Variants in DMD observed in about 807,000 individuals in gnomAD.
DMD encodes dystrophin.
A neutral mutation model predicts 330.1 loss-of-function variants in DMD; 63 were observed. That is an observed-to-expected ratio of 0.19 (90% confidence interval 0.16 to 0.24). The LOEUF (loss-of-function observed/expected upper bound fraction) is 0.24. Among genes scored for constraint, DMD ranks in the 10% least tolerant of loss-of-function variants. DMD has a pLI of 1.00. For synonymous variants in DMD, 1,223 were observed against 959.8 expected, an observed-to-expected ratio of 1.27 and a Z score of -5.07; for missense variants, 3,344 against 2,684.1, an observed-to-expected ratio of 1.25 and a Z score of -5.43.
chrX:32,903,653 A>T (rs2086499212), intron 2 of DMD, among the ~76,000 whole-genome samples: 1 of 111,492 alleles, frequency 9.0e-6, no homozygotes, highest in Admixed American at 9.6e-5. Context: ...ATTTTAAGTA[A>T]ACTACACAAT....
intron 48 of DMD, among the ~76,000 whole-genome samples, chrX:31,838,320 C>T (rs1419555552): frequency 9.0e-6 from 1 of 111,549 alleles, no homozygotes; most frequent in Non-Finnish European, 1.9e-5. Context: ...AAGAGCATAT[C>T]TTCAGCAAGG....
chrX:32,634,194 C>T (rs182327412), intron 11 of DMD, among the ~76,000 whole-genome samples: 78 of 111,890 alleles, frequency 7.0e-4, no homozygotes, highest in African/African-American at 2.2e-3. Context: ...ACTCAAGGGC[C>T]AAGGCCACTT....
rs111975176 is a variant in DMD, at chrX:33,115,800, C to A, written c.31+95482G>T. Among the ~76,000 whole-genome samples, 802 of 110,276 alleles carry A rather than the reference C, an allele frequency of 7.3e-3. 7 individuals carry two copies. The highest frequency in any genetic ancestry group is 0.025 in the African/African-American group (764 of 30,456). On this transcript the variant is annotated intron_variant, in intron 1 of 78. Coordinates refer to ENST00000357033, the MANE Select transcript of DMD (RefSeq NM_004006.3). ...CTGGGATTACAGGCGTGAGCCACTG[C>A]GCCCGGCCAAAAGAAAACGTTTCTA...
chrX:31,943,887 GA>G (rs1370499995), intron 45 of DMD, among the ~76,000 whole-genome samples: 2,094 of 57,137 alleles, frequency 0.037, 70 homozygotes, highest in African/African-American at 0.16. Flanking sequence ...GTGAGAGAGA[GA>G]GAGAGAGAGA....
chrX:32,573,872 C>A, intron 13 of DMD, 26 bp from the exon 14 acceptor site: 5 of 1,138,204 alleles, frequency 4.4e-6, no homozygotes, highest in Non-Finnish European at 6.0e-6. Flanking sequence ...TCAAGCACAG[C>A]ATCAGCAAAC....
intron 1 of DMD, among the ~76,000 whole-genome samples, chrX:33,123,367 G>T (rs1022652488): frequency 8.9e-6 from 1 of 111,795 alleles, no homozygotes. Context: ...AAACTGAAAA[G>T]GTAAACAAAT....
chrX:31,647,283 A>T (rs761081905), intron 54 of DMD, among the ~76,000 whole-genome samples: 103 of 111,862 alleles, frequency 9.2e-4, no homozygotes, highest in Non-Finnish European at 1.8e-3. Flanking sequence ...GACAGCAGTG[A>T]AGGGAGCATA....
intron 60 of DMD, among the ~76,000 whole-genome samples, chrX:31,360,300 A>G (rs1263262233): frequency 8.9e-6 from 1 of 111,928 alleles, no homozygotes; most frequent in Non-Finnish European, 1.9e-5. Context: ...CAAGAAAAAC[A>G]AAAAAAGTTA....
rs768803843 is a variant in DMD at position 31,479,070 on chromosome X, C to T, written c.8581G>A (p.Val2861Ile). Residue 2861 changes from valine to isoleucine, a missense_variant, in exon 58 of 79, where the codon GTA (valine) becomes ATA (isoleucine). Transcript: ENST00000357033. ...ACAGTCTCAAGAGTACTCATGATTACAGGTTCTTTAGTTTTCAATTCCCTC... is the reference window on the plus strand; with the variant it reads ...ACAGTCTCAAGAGTACTCATGATTATAGGTTCTTTAGTTTTCAATTCCCTC... ...FKRELKTKEPVIMSTLETVRI... is the reference protein window; with the variant it reads ...FKRELKTKEPIIMSTLETVRI... The T allele has an allele frequency of 1.7e-6, 2 of 1,209,568 alleles. No homozygotes were observed. Among genetic ancestry groups the T allele is most frequent in the East Asian group, 3.0e-5 (1 of 33,815 alleles).
At chrX:32,362,380 T>C (rs2097839917) in intron 37 of DMD, among the ~76,000 whole-genome samples, 1 of 112,152 alleles carries the variant, frequency 8.9e-6, no homozygotes, top group Admixed American at 9.5e-5. Flanking sequence ...GTATCAGTAC[T>C]GCTTTTGGCA....
rs1337788084 is a variant in DMD, at chrX:32,951,116, G to A, written c.93+69023C>T. 2.7e-5 allele frequency among the ~76,000 whole-genome samples: 3 copies of A among 110,885 alleles called. No individual in the cohort carries two copies. In the East Asian group the frequency reaches 8.6e-4, roughly 32 times the overall value. ...TGCGATGAAGAATTCCTATATTGTCGCAATATTCAGCTGACAAGCCATGGG... is the reference window on the plus strand; with the variant it reads ...TGCGATGAAGAATTCCTATATTGTCACAATATTCAGCTGACAAGCCATGGG... On this transcript the variant is annotated intron_variant, in intron 2 of 78. Coordinates refer to ENST00000357033, the MANE Select transcript of DMD (RefSeq NM_004006.3).
At chrX:32,396,855 T>C (rs1421163654) in intron 30 of DMD, among the ~76,000 whole-genome samples, 1 of 111,730 alleles carries the variant, frequency 9.0e-6, no homozygotes, top group Non-Finnish European at 1.9e-5. Context: ...AGCTTGTACT[T>C]AGGATATCTT....
intron 1 of DMD, among the ~76,000 whole-genome samples, chrX:33,336,418 C>T (rs1382489921): frequency 9.1e-6 from 1 of 110,416 alleles, no homozygotes; most frequent in East Asian, 2.8e-4. Context: ...TAGTGTCTTC[C>T]CCTGCTCATC....
intron 74 of DMD, among the ~76,000 whole-genome samples, chrX:31,148,566 A>C (rs903148920): frequency 8.9e-6 from 1 of 112,410 alleles, no homozygotes; most frequent in Non-Finnish European, 1.9e-5. Flanking sequence ...TACAGAATAT[A>C]GTTTGATGTG....
intron 2 of DMD, among the ~76,000 whole-genome samples, chrX:32,882,331 T>G (rs1478993207): frequency 8.9e-6 from 1 of 111,947 alleles, no homozygotes; most frequent in Admixed American, 9.5e-5. Context: ...CCTCTTCTCT[T>G]TGTCAATTTT....
chrX:32,931,000 T>A (rs2089539297), intron 2 of DMD, among the ~76,000 whole-genome samples: 1 of 107,870 alleles, frequency 9.3e-6, no homozygotes, highest in African/African-American at 3.3e-5. Context: ...TTATATATAT[T>A]ATTTTATACT....
chrX:31,595,867 A>C (rs373520554), intron 55 of DMD, among the ~76,000 whole-genome samples: 1 of 110,506 alleles, frequency 9.0e-6, no homozygotes, highest in African/African-American at 3.3e-5. Flanking sequence ...CTGGTACCAG[A>C]GGCATTCCTT....
intron 1 of DMD, among the ~76,000 whole-genome samples, chrX:33,289,249 A>AT (rs1401245614): frequency 3.6e-5 from 4 of 110,695 alleles, no homozygotes; most frequent in Admixed American, 1.9e-4. Flanking sequence ...TTAAAACATA[A>AT]TTTTTTAAAA....
intron 45 of DMD, among the ~76,000 whole-genome samples, chrX:31,935,378 G>C (rs1405129132): frequency 4.5e-5 from 5 of 111,637 alleles, no homozygotes; most frequent in African/African-American, 1.6e-4. Flanking sequence ...AAACCCTATG[G>C]GGAAGTGGCT....
Sources: allele counts gnomAD v4.1 joint callset (sites outside exome capture counted in the v4.1 genomes callset), GRCh38; gene constraint gnomAD v4.1.1; transcripts MANE v1.5; gene names NCBI Gene and HGNC (gene_info 2026-07-23, HGNC 2026-07-21).